The following LAMA3 variants were observed in gnomAD, a reference collection of about 807,000 sequenced individuals.
The protein encoded by LAMA3 is laminin subunit alpha 3.
In LAMA3, 281 loss-of-function variants were observed where a neutral mutation model predicts 402.0. The observed-to-expected ratio is 0.70, with a 90% CI of 0.63 to 0.77. LAMA3 has a LOEUF of 0.77. Among genes scored for constraint, LAMA3 ranks in the 30% least tolerant of loss-of-function variants. LAMA3 has a pLI of 0.00. For synonymous variants in LAMA3, 1,431 were observed against 1,558.4 expected, an observed-to-expected ratio of 0.92 and a Z score of 1.93; for missense variants, 3,840 against 4,215.5, an observed-to-expected ratio of 0.91 and a Z score of 2.47.
At chr18:23,939,155 A>T in intron 67 of LAMA3, 68 bp from the exon 68 acceptor site, 1 of 1,492,144 alleles carries the variant, frequency 6.7e-7, no homozygotes, top group Non-Finnish European at 9.3e-7. Flanking sequence ...AAATTAAGCA[A>T]TGTACTTAGC....
At chr18:23,882,450 T>C (rs750787204) in intron 40 of LAMA3, among the ~76,000 whole-genome samples, 2 of 151,932 alleles carry the variant, frequency 1.3e-5, no homozygotes, top group Non-Finnish European at 2.9e-5. Flanking sequence ...GCCAACATGG[T>C]GAAACCCCGT....
chr18:23,770,490 T>G (rs2062173165), intron 8 of LAMA3, among the ~76,000 whole-genome samples: 1 of 152,056 alleles, frequency 6.6e-6, no homozygotes, highest in South Asian at 2.1e-4. Context: ...GGCCGGGTGC[T>G]GTGGCTCACG....
chr18:23,763,382 G>T, intron 7 of LAMA3, 23 bp from the exon 8 acceptor site: 3 of 1,359,458 alleles, frequency 2.2e-6, no homozygotes, highest in South Asian at 2.3e-5. Flanking sequence ...TGAGAATATT[G>T]ACTTATTATG....
At chr18:23,903,487 G>A (rs1047599816) in intron 49 of LAMA3, among the ~76,000 whole-genome samples, 12 of 152,134 alleles carry the variant, frequency 7.9e-5, no homozygotes, top group Non-Finnish European at 1.8e-4. Context: ...GGATTTTAAA[G>A]TGTCTTTTAT....
chr18:23,935,302 T>G (rs2082279398), intron 67 of LAMA3, among the ~76,000 whole-genome samples: 1 of 152,206 alleles, frequency 6.6e-6, no homozygotes, highest in Non-Finnish European at 1.5e-5. Context: ...GAATGGAGTT[T>G]GTGGTGTATT....
chr18:23,753,182 T>C (rs1351121608), intron 5 of LAMA3, among the ~76,000 whole-genome samples: 4 of 152,236 alleles, frequency 2.6e-5, no homozygotes, highest in Non-Finnish European at 5.9e-5. Flanking sequence ...TCTAGCCTTT[T>C]TGACCCTGTG....
intron 18 of LAMA3, among the ~76,000 whole-genome samples, chr18:23,817,493 C>A (rs1348546832): frequency 6.6e-6 from 1 of 152,040 alleles, no homozygotes; most frequent in Non-Finnish European, 1.5e-5. Context: ...GGGACAATTG[C>A]TTGAGGCCAG....
chr18:23,867,800 A>G, intron 36 of LAMA3, 34 bp from the exon 37 acceptor site: 1 of 1,483,922 alleles, frequency 6.7e-7, no homozygotes, highest in Non-Finnish European at 9.4e-7. Context: ...ATCCCAGTGA[A>G]GGTACTAACA....
chr18:23,864,677 AG>A (rs1285190267), intron 35 of LAMA3, 107 bp from the exon 36 acceptor site: 8 of 748,188 alleles, frequency 1.1e-5, no homozygotes, highest in Non-Finnish European at 1.9e-5. Flanking sequence ...TACCAGGTCG[AG>A]TGTGTTTCTT....
chr18:23,690,367 G>A (rs2145787471), intron 1 of LAMA3, among the ~76,000 whole-genome samples: 1 of 152,354 alleles, frequency 6.6e-6, no homozygotes, highest in Non-Finnish European at 1.5e-5. Flanking sequence ...CACCTCCCGG[G>A]CCTTATTCGG....
At chr18:23,760,228 A>G (rs1172441873) in intron 7 of LAMA3, among the ~76,000 whole-genome samples, 2 of 152,226 alleles carry the variant, frequency 1.3e-5, no homozygotes, top group Non-Finnish European at 2.9e-5. Flanking sequence ...AAAATAGTGC[A>G]TGAAAATCAG....
chr18:23,836,430 G>A (rs1437870874), intron 24 of LAMA3, among the ~76,000 whole-genome samples: 2 of 152,180 alleles, frequency 1.3e-5, no homozygotes, highest in African/African-American at 2.4e-5. Flanking sequence ...GTTCAAAACT[G>A]TGAGCTTTTA....
intron 1 of LAMA3, among the ~76,000 whole-genome samples, chr18:23,707,032 C>T (rs988458355): frequency 2.6e-5 from 4 of 152,174 alleles, no homozygotes; most frequent in South Asian, 2.1e-4. Context: ...GAGCCAAGAT[C>T]GCACCATTGC....
intron 27 of LAMA3, among the ~76,000 whole-genome samples, chr18:23,841,226 C>T (rs548439069): frequency 6.6e-6 from 1 of 152,188 alleles, no homozygotes; most frequent in Admixed American, 6.5e-5. Context: ...GAACTATTTA[C>T]CCCCCCGAGT....
chr18:23,815,987 C>A (rs902738077), intron 17 of LAMA3, among the ~76,000 whole-genome samples: 1 of 152,094 alleles, frequency 6.6e-6, no homozygotes, highest in African/African-American at 2.4e-5. Flanking sequence ...CTCGCTCGGC[C>A]CCTGGTTATC....
intron 42 of LAMA3, 108 bp downstream of exon 42, chr18:23,890,225 C>G (rs73967623): frequency 1.3e-6 from 1 of 774,096 alleles, no homozygotes; most frequent in Admixed American, 2.0e-5. Flanking sequence ...ACAATTCCAG[C>G]CAGCAAGCTG....
chr18:23,886,410 G>A (rs1332147449), intron 41 of LAMA3, among the ~76,000 whole-genome samples: 6 of 152,196 alleles, frequency 3.9e-5, no homozygotes, highest in African/African-American at 7.2e-5. Context: ...GCCAAGTTGG[G>A]AGGATTATTT....
In LAMA3 at chr18:23,899,431, G is replaced by C; in HGVS notation, c.5980G>C (p.Ala1994Pro). 1.9e-6 allele frequency: 3 copies of C among 1,614,128 alleles called. No homozygotes were observed. The highest frequency in any genetic ancestry group is 2.5e-6 in the Non-Finnish European group (3 of 1,180,000). Residue 1994 changes from alanine (A) to proline (P), a missense_variant, in exon 47 of 75, where the codon GCT becomes CCT. This residue lies in a region of LAMA3 where 891 missense variants were observed against 857.5 expected (regional missense o/e 1.04). Coordinates refer to ENST00000313654, the MANE Select transcript of LAMA3 (RefSeq NM_198129.4). ...NFGKHLREAE[A>P]DKRESQLLLN... ...TGGAAAGCACCTCAGAGAAGCAGAA[G>C]CTGATAAAAGGGAGTCGCAGCTCTG...
intron 2 of LAMA3, among the ~76,000 whole-genome samples, chr18:23,725,355 C>A (rs1598654298): frequency 6.6e-6 from 1 of 152,340 alleles, no homozygotes; most frequent in East Asian, 1.9e-4. Context: ...AGGCAATCCA[C>A]CTGCCTCGGC....
Sources: allele counts gnomAD v4.1 joint callset (sites outside exome capture counted in the v4.1 genomes callset), GRCh38; gene constraint gnomAD v4.1.1; regional missense constraint gnomAD v4.1.1; transcripts MANE v1.5; gene names NCBI Gene and HGNC (gene_info 2026-07-23, HGNC 2026-07-21).